CHID1: variants seen among roughly 807,000 people sequenced by gnomAD.
CHID1 encodes the protein chitinase domain-containing protein 1.
Under a neutral mutation model 55.4 loss-of-function variants are expected in CHID1, and 44 were observed. The observed-to-expected ratio is 0.79, with a 90% CI of 0.62 to 1.02. CHID1 has a LOEUF of 1.02. Ranked by LOEUF, CHID1 falls within the 50% of genes least tolerant of loss-of-function variation. The pLI is 0.00. For synonymous variants in CHID1, 216 were observed against 212.9 expected (o/e 1.01, Z -0.13); for missense variants, 491 against 515.3 (o/e 0.95, Z 0.46).
Position 875,855 on chromosome 11 carries a change from A to T in CHID1, c.960-5356T>A, listed in dbSNP as rs1461528765. ...TCCCAGACGTCCCCTGGCGGGTGAC[A>T]GACAGGATGAAGGAACGATGGGCTC... is the stretch of plus-strand genomic sequence containing the variant. On this transcript the variant is annotated intron_variant, in intron 10 of 12. Coordinates refer to ENST00000323578, the MANE Select transcript of CHID1 (RefSeq NM_023947.4). This position sits in a 1 kb window ranked among gnomAD's most constrained non-coding sequence, Gnocchi z 4.7. Among the ~76,000 whole-genome samples the T allele has an allele frequency of 6.6e-6, 1 of 152,100 alleles. No individual in the cohort carries two copies. The highest frequency in any genetic ancestry group is 1.5e-5 in the Non-Finnish European group (1 of 68,016).
rs745771483 is a variant in CHID1, at chr11:887,288, CA to C, written c.702-3120del. On this transcript the variant is annotated intron_variant, in intron 8 of 12. Coordinates refer to ENST00000323578, the MANE Select transcript of CHID1 (RefSeq NM_023947.4). ...AGCGATCCTCCTGCCTCAGCCTCCC[CA>C]AATGCTGGCATTACAGGCGCGTACC... is the stretch of plus-strand genomic sequence containing the variant. Among the ~76,000 whole-genome samples, 4 of 152,192 alleles carry C rather than the reference CA, an allele frequency of 2.6e-5. No homozygotes were observed. The South Asian group carries it at 8.3e-4, about 32-fold the overall frequency.
At chr11:883,959 G>A (rs142617130) in intron 9 of CHID1, 109 bp downstream of exon 9, 1 of 867,272 alleles carries the variant, frequency 1.2e-6, no homozygotes, top group South Asian at 1.5e-5. Context: ...CTTGTGCACA[G>A]AACCACAGGC....
intron 7 of CHID1, among the ~76,000 whole-genome samples, chr11:896,727 T>TACAAC (rs1851333733): frequency 1.1e-5 from 1 of 90,510 alleles, no homozygotes; most frequent in African/African-American, 4.2e-5. Flanking sequence ...ACCCCAGACG[T>TACAAC]GAGGCTGTCT....
chr11:874,432 C>T (rs576910880), intron 10 of CHID1, among the ~76,000 whole-genome samples: 4 of 152,302 alleles, frequency 2.6e-5, no homozygotes, highest in Non-Finnish European at 5.9e-5. Context: ...CACTGCACTC[C>T]AGACTGGGCG....
chr11:906,223 C>A (rs2134359159), intron 1 of CHID1, among the ~76,000 whole-genome samples: 1 of 151,362 alleles, frequency 6.6e-6, no homozygotes, highest in South Asian at 2.1e-4. Context: ...GTGTGAGCCA[C>A]TGCGCCCGGC....
Position 869,529 on chromosome 11 carries a change from C to T in CHID1, c.*329G>A. ...AGAGCTTCCAAACCCACATCCAGCCCAGGATGTGAGAAGCAGCCCAGAAAG... is the reference window on the plus strand; with the variant it reads ...AGAGCTTCCAAACCCACATCCAGCCTAGGATGTGAGAAGCAGCCCAGAAAG... On this transcript the variant is annotated 3_prime_UTR_variant, in exon 13 of 13. Coordinates refer to ENST00000323578, the MANE Select transcript of CHID1 (RefSeq NM_023947.4). 2.3e-6 allele frequency: 1 copy of T among 434,036 alleles called. No homozygotes were observed. The highest frequency in any genetic ancestry group is 4.2e-6 in the Non-Finnish European group (1 of 237,760). The allele number at this position is 434,036 out of a possible 1,614,324, so 26.9% of individuals were successfully genotyped here.
chr11:896,330 C>T (rs1329635809), intron 7 of CHID1, among the ~76,000 whole-genome samples: 1 of 137,340 alleles, frequency 7.3e-6, no homozygotes, highest in East Asian at 2.2e-4. Context: ...CAGCCTCCAC[C>T]CCAGACATGA....
intron 10 of CHID1, 112 bp downstream of exon 10, chr11:883,036 G>A: frequency 1.7e-6 from 2 of 1,206,616 alleles, no homozygotes; most frequent in Admixed American, 2.1e-5. Flanking sequence ...CTGACTCTGT[G>A]GGGCAGAAGC....
intron 7 of CHID1, among the ~76,000 whole-genome samples, chr11:896,454 GACAC>G: frequency 7.9e-6 from 1 of 127,244 alleles, no homozygotes; most frequent in Non-Finnish European, 1.6e-5. Context: ...CTCCACCCCA[GACAC>G]AAGGCTGTCT....
upstream of CHID1, chr11:914,721 CA>C (rs367978475): frequency 0.17 from 45,904 of 275,864 alleles, 169 homozygotes; most frequent in South Asian, 0.28. Context: ...GACCCTGTCT[CA>C]AAAAAAAAAA....
chr11:873,929 G>A (rs919459654), intron 10 of CHID1, among the ~76,000 whole-genome samples: 8 of 151,818 alleles, frequency 5.3e-5, no homozygotes, highest in African/African-American at 1.2e-4. Flanking sequence ...ACCGAGACGC[G>A]CCACAGAGCA....
intron 8 of CHID1, among the ~76,000 whole-genome samples, chr11:885,848 A>G (rs1850350521): frequency 6.6e-6 from 1 of 152,014 alleles, no homozygotes; most frequent in East Asian, 1.9e-4. Context: ...TGCCTTTTTT[A>G]GTTGATTCAA....
upstream of CHID1, chr11:914,327 G>A (rs1852838690): frequency 3.5e-6 from 1 of 282,522 alleles, no homozygotes; most frequent in Non-Finnish European, 7.0e-6. Flanking sequence ...GGAGTGCCCT[G>A]GCGGAGGTCC....
intron 10 of CHID1, chr11:874,843 C>T (rs1001710935): frequency 2.0e-5 from 3 of 152,266 alleles, no homozygotes; most frequent in Non-Finnish European, 4.4e-5. Context: ...CCCTGAGCCA[C>T]CATTAGAAAA....
intron 1 of CHID1, among the ~76,000 whole-genome samples, chr11:910,028 CA>C (rs1852534571): frequency 2.6e-5 from 4 of 151,546 alleles, no homozygotes; most frequent in African/African-American, 9.7e-5. Context: ...CACTGCACTC[CA>C]GCCTGGGTGA....
At chr11:883,422 G>A in intron 9 of CHID1, 119 bp from the exon 10 acceptor site, 1 of 1,083,934 alleles carries the variant, frequency 9.2e-7, no homozygotes, top group Non-Finnish European at 1.3e-6. Context: ...CCTCTAGAGA[G>A]TTGTAAAGAA....
At chr11:898,478 A>G (rs1851552253) in intron 7 of CHID1, among the ~76,000 whole-genome samples, 1 of 152,228 alleles carries the variant, frequency 6.6e-6, no homozygotes. Flanking sequence ...GCTCGTTGCA[A>G]CCAGTGGAGT....
intron 8 of CHID1, among the ~76,000 whole-genome samples, chr11:892,130 GAAAAGA>G (rs1372830449): frequency 3.9e-5 from 6 of 151,978 alleles, no homozygotes; most frequent in African/African-American, 1.2e-4. Flanking sequence ...AAAAGAAAAA[GAAAAGA>G]AAAAGACGCA....
chr11:873,210 G>A (rs781313731), intron 10 of CHID1, among the ~76,000 whole-genome samples: 2 of 152,106 alleles, frequency 1.3e-5, no homozygotes, highest in Non-Finnish European at 2.9e-5. Flanking sequence ...GAGTGAGGAC[G>A]GGCAGCTGCA....
Sources: allele counts gnomAD v4.1 joint callset (sites outside exome capture counted in the v4.1 genomes callset), GRCh38; gene constraint gnomAD v4.1.1; non-coding constraint Gnocchi (gnomAD v3.1); transcripts MANE v1.5; gene names NCBI Gene and HGNC (gene_info 2026-07-23, HGNC 2026-07-21).